RABAC1: variants seen among roughly 807,000 people sequenced by gnomAD.
RABAC1 encodes Rab acceptor 1.
In RABAC1, 16 loss-of-function variants were observed where a neutral mutation model predicts 22.9. That is an observed-to-expected ratio of 0.70 (90% CI 0.47 to 1.06). The LOEUF (loss-of-function observed/expected upper bound fraction) is 1.06. Ranked by LOEUF, RABAC1 falls within the 50% of genes least tolerant of loss-of-function variation. The pLI, the probability that RABAC1 is intolerant of heterozygous loss-of-function variation, is 0.00. For missense variants in RABAC1, 227 were observed against 246.5 expected (o/e 0.92, Z 0.53); for synonymous variants, 139 against 107.7 (o/e 1.29, Z -1.80).
At chr19:41,959,128 T>C (rs1465690638) in intron 1 of RABAC1, 109 bp downstream of exon 1, 6 of 1,493,568 alleles carry the variant, frequency 4.0e-6, no homozygotes, top group Admixed American at 2.0e-5. Context: ...GGCCAACACT[T>C]CTGCGGCTCG....
chr19:41,959,259 C>T lies in RABAC1; in HGVS notation c.34G>A (p.Glu12Lys), dbSNP rs1555857377. The change falls in exon 1 of 5, where the codon GAG becomes AAG. Residue 12 changes from glutamate (E) to lysine (K), a missense_variant. Transcript: ENST00000222008. ...CACGTGCCGCTCAGCCCTTCCGCCT[C>T]GGCATCTTTCTGCTGGTCCTTCTGC... Reference protein sequence around the residue: ...AAQKDQQKDAEAEGLSGTTLL... With the variant: ...AAQKDQQKDAKAEGLSGTTLL... 1 of 1,613,666 alleles carries T rather than the reference C, an allele frequency of 6.2e-7. No individual in the cohort carries two copies. The highest frequency in any genetic ancestry group is 1.7e-5 in the Admixed American group (1 of 60,022).
In RABAC1 at chr19:41,957,052, C is replaced by G. The variant is rs1454551815; in HGVS notation, c.435G>C (p.Leu145=). 1.9e-6 allele frequency: 3 copies of G among 1,613,820 alleles called. No individual in the cohort carries two copies. Among genetic ancestry groups the G allele is most frequent in the Non-Finnish European group, 2.5e-6 (3 of 1,180,034 alleles). The change falls in exon 4 of 5, where the codon CTG becomes CTC. Residue 145 remains leucine (L), a synonymous_variant. Transcript: ENST00000222008. ...AGGISFPFFW[L]AGAGSAVFWV... ...AGAAGACGGCCGAGCCCGCACCAGCCAGCCAGAAGAAGGGGAAGGAGATGC... is the reference window on the plus strand; with the variant it reads ...AGAAGACGGCCGAGCCCGCACCAGCGAGCCAGAAGAAGGGGAAGGAGATGC...
In RABAC1 at chr19:41,958,356, A is replaced by G. The variant is rs1555857009; in HGVS notation, c.297T>C (p.Ala99=). 6.2e-7 allele frequency: 1 copy of G among 1,613,608 alleles called. No homozygotes were observed. Among genetic ancestry groups the G allele is most frequent in the East Asian group, 2.2e-5 (1 of 44,874 alleles). ...CVVTSPMLLV[A]LAVFFGACYI... ...AACAGGCGCCGAAAAAGACAGCCAG[A>G]GCCACCAGCAACATAGGGGACGTCA... The change falls in exon 3 of 5, where the codon GCT becomes GCC. Residue 99 remains alanine (A), a synonymous_variant. Transcript: ENST00000222008.
intron 4 of RABAC1, 35 bp downstream of exon 4, chr19:41,956,983 A>C (rs1555856767): frequency 6.2e-7 from 1 of 1,613,024 alleles, no homozygotes; most frequent in African/African-American, 1.3e-5. Context: ...CCTGGCTCCC[A>C]CCATCCACCC....
chr19:41,957,354 C>G, intron 3 of RABAC1: 1 of 538,456 alleles, frequency 1.9e-6, no homozygotes, highest in South Asian at 2.3e-5. Flanking sequence ...GCCCTCTGCC[C>G]CACATCCTCC....
Position 41,958,943 on chromosome 19 carries a change from AGGGTCCTGCGGG to A in RABAC1, c.57-7_61del, listed in dbSNP as rs553560584. ...ACCGGAGGGAATCAGCTTCGGCAGC[AGGGTCCTGCGGG>A]GGGTGGGGCCGGGTCAGTGGTGGAC... On this transcript the variant is annotated splice_acceptor_variant and splice_polypyrimidine_tract_variant and coding_sequence_variant and intron_variant, in exon 2 of 5. Transcript: ENST00000222008. LOFTEE classifies it high-confidence loss of function. 4.2e-4 allele frequency: 663 copies of A among 1,572,290 alleles called. 1 individual carries two copies. The highest frequency in any genetic ancestry group is 5.4e-4 in the Non-Finnish European group (624 of 1,164,104).
At chr19:41,958,483 G>C (rs1330468924) in intron 2 of RABAC1, 100 bp from the exon 3 acceptor site, 10 of 1,168,550 alleles carry the variant, frequency 8.6e-6, no homozygotes, top group Non-Finnish European at 1.1e-5. Context: ...CTACATCCTG[G>C]AGACCAGGGA....
At position 41,956,737 on chromosome 19, in the gene RABAC1, G is replaced by T; in HGVS notation, c.*109C>A. 1.0e-6 allele frequency: 1 copy of T among 989,952 alleles called. No homozygotes were observed. The highest frequency in any genetic ancestry group is 1.5e-6 in the Non-Finnish European group (1 of 677,470). 61.3% of individuals were successfully genotyped at this position (989,952 alleles called of 1,614,324 possible). ...TTTTCAAAGGCGGGATCCCTCCCCG[G>T]GCTTGTGATGGGACGGCGCTGTGGG... is the stretch of plus-strand genomic sequence containing the variant. On this transcript the variant is annotated 3_prime_UTR_variant, in exon 5 of 5. Coordinates refer to ENST00000222008, the MANE Select transcript of RABAC1 (RefSeq NM_006423.3).
intron 1 of RABAC1, 108 bp downstream of exon 1, chr19:41,959,122 AACACTTC>A: frequency 6.8e-7 from 1 of 1,471,656 alleles, no homozygotes. Flanking sequence ...GACCGGGGCC[AACACTTC>A]TGCGGCTCGG....
Position 41,958,930 on chromosome 19 carries a change from C to G in RABAC1, c.75G>C (p.Leu25=), listed in dbSNP as rs1251062224. The G allele has an allele frequency of 3.2e-6, 5 of 1,581,424 alleles. No individual in the cohort carries two copies. Among genetic ancestry groups the G allele is most frequent in the Non-Finnish European group, 4.3e-6 (5 of 1,168,484 alleles). The change falls in exon 2 of 5, where the codon CTG becomes CTC. Residue 25 remains leucine (L), a synonymous_variant. Transcript: ENST00000222008. ...GLSGTTLLPK[L]IPSGAGREWL... ...ACTCCCGGCCTGCACCGGAGGGAAT[C>G]AGCTTCGGCAGCAGGGTCCTGCGGG...
At chr19:41,958,711 G>A in intron 2 of RABAC1, 25 bp downstream of exon 2, 3 of 1,602,058 alleles carry the variant, frequency 1.9e-6, no homozygotes, top group Non-Finnish European at 2.6e-6. Context: ...GGCTAGTGCG[G>A]GTGCGGGGCC....
intron 2 of RABAC1, 89 bp downstream of exon 2, chr19:41,958,647 C>G (rs2145931968): frequency 7.2e-7 from 1 of 1,393,472 alleles, no homozygotes; most frequent in South Asian, 1.3e-5. Flanking sequence ...AGAGGAGGGA[C>G]CGGGCGGTGA....
intron 3 of RABAC1, chr19:41,957,454 C>A: frequency 3.2e-6 from 1 of 308,840 alleles, no homozygotes; most frequent in Non-Finnish European, 6.1e-6. Context: ...AAACTGGTGG[C>A]CCAAGGGCCA....
intron 3 of RABAC1, 21 bp downstream of exon 3, chr19:41,958,265 T>C: frequency 6.3e-7 from 1 of 1,593,162 alleles, no homozygotes; most frequent in Non-Finnish European, 8.6e-7. Context: ...CAAGGATTCA[T>C]CTGGGCAGGG....
At chr19:41,957,234 A>C in intron 3 of RABAC1, 115 bp from the exon 4 acceptor site, 1 of 858,084 alleles carries the variant, frequency 1.2e-6, no homozygotes. Flanking sequence ...TCGAATCCAA[A>C]CTCCTCATGC....
Position 41,958,806 on chromosome 19 carries a change from G to A in RABAC1, c.199C>T (p.Leu67Phe). ...PRNLGELCQR[L>F]VRNVEYYQSN... is the part of the protein sequence containing the mutation. ...TGGTAGTACTCCACGTTGCGTACGAGGCGCTGGCACAGCTCTCCCAGGTTG... is the reference window on the plus strand; with the variant it reads ...TGGTAGTACTCCACGTTGCGTACGAAGCGCTGGCACAGCTCTCCCAGGTTG... Residue 67 changes from leucine to phenylalanine, a missense_variant, in exon 2 of 5, where the codon CTC becomes TTC. Physicochemically the swap from Leu to Phe is conservative, Grantham distance 22. Coordinates refer to ENST00000222008, the MANE Select transcript of RABAC1 (RefSeq NM_006423.3). 1 of 1,612,088 alleles carries A rather than the reference G, an allele frequency of 6.2e-7. No homozygotes were observed. The highest frequency in any genetic ancestry group is 8.5e-7 in the Non-Finnish European group (1 of 1,179,864).
rs1555856731 is a variant in RABAC1 at position 41,956,869 on chromosome 19, C to G, written c.535G>C (p.Glu179Gln). Residue 179 changes from glutamate to glutamine, a missense_variant, in exon 5 of 5, where the codon GAG becomes CAG. By Grantham distance (29) the Glu-to-Gln change is conservative. Transcript: ENST00000222008. ...FHQIEAVDGE[E>Q]LQMEPV ...CCTCACACGGGTTCCATCTGCAGCT[C>G]CTCCCCGTCCACAGCCTCAATCTGG... The G allele has an allele frequency of 1.2e-6, 2 of 1,612,110 alleles. No individual in the cohort carries two copies. Among genetic ancestry groups the G allele is most frequent in the South Asian group, 2.2e-5 (2 of 90,966 alleles).
chr19:41,958,202 G>A, intron 3 of RABAC1, 84 bp downstream of exon 3: 1 of 1,350,742 alleles, frequency 7.4e-7, no homozygotes. Flanking sequence ...TGAAGGACTT[G>A]GATTTGGGGT....
chr19:41,958,863 A>G lies in RABAC1; in HGVS notation c.142T>C (p.Phe48Leu). The G allele has an allele frequency of 6.2e-7, 1 of 1,606,156 alleles. No homozygotes were observed. The highest frequency in any genetic ancestry group is 8.5e-7 in the Non-Finnish European group (1 of 1,179,016). The part of the protein sequence containing the change: ...RRATIRPWST[F>L]VDQQRFSRPR... Reference sequence around the variant, plus strand: ...CGTGAGAAGCGCTGCTGGTCCACGAAGGTGCTCCAGGGCCGGATGGTCGCG... The same window carrying G: ...CGTGAGAAGCGCTGCTGGTCCACGAGGGTGCTCCAGGGCCGGATGGTCGCG... The change falls in exon 2 of 5, where the codon TTC (phenylalanine) becomes CTC (leucine). Residue 48 changes from phenylalanine to leucine, a missense_variant. Phe to Leu is a conservative substitution (Grantham distance 22). Transcript: ENST00000222008.
Sources: allele counts gnomAD v4.1 joint callset, GRCh38; gene constraint gnomAD v4.1.1; transcripts MANE v1.5; gene names NCBI Gene and HGNC (gene_info 2026-07-23, HGNC 2026-07-21).